NXPH1: variants seen among roughly 807,000 people sequenced by gnomAD.
The protein encoded by NXPH1 is neurexophilin 1, also known as neurexophilin-1.
In NXPH1, 5 loss-of-function variants were observed where a neutral mutation model predicts 23.7. That is an observed-to-expected ratio of 0.21 (90% CI 0.11 to 0.44). NXPH1 has a LOEUF of 0.44. NXPH1 is among the 20% of genes least tolerant of loss of function. The pLI is 0.99. For missense variants in NXPH1, 324 were observed against 321.6 expected (o/e 1.01, Z -0.06); for synonymous variants, 144 against 122.2 (o/e 1.18, Z -1.18).
intron 2 of NXPH1, among the ~76,000 whole-genome samples, chr7:8,525,918 G>C (rs1584211948): frequency 6.6e-6 from 1 of 152,226 alleles, no homozygotes; most frequent in Non-Finnish European, 1.5e-5. Context: ...TGGGGTTGGA[G>C]CCCCCACACA....
intron 2 of NXPH1, among the ~76,000 whole-genome samples, chr7:8,730,986 C>T (rs536668105): frequency 1.1e-3 from 154 of 146,404 alleles, no homozygotes; most frequent in African/African-American, 3.4e-3. Context: ...ACCAATCAGA[C>T]GTAGATTTGG....
intron 2 of NXPH1, among the ~76,000 whole-genome samples, chr7:8,504,163 TC>T (rs1817484471): frequency 6.6e-6 from 1 of 152,058 alleles, no homozygotes; most frequent in Non-Finnish European, 1.5e-5. Flanking sequence ...CTTTCCCATT[TC>T]CAAACAATCT....
intron 2 of NXPH1, among the ~76,000 whole-genome samples, chr7:8,709,078 TATATG>T (rs1436855975): frequency 2.6e-5 from 4 of 152,172 alleles, no homozygotes; most frequent in Admixed American, 2.6e-4. Context: ...AAATAGTAAT[TATATG>T]ATATGACAGT....
At chr7:8,706,762 C>T (rs1779713168) in intron 2 of NXPH1, among the ~76,000 whole-genome samples, 1 of 152,160 alleles carries the variant, frequency 6.6e-6, no homozygotes, top group Admixed American at 6.5e-5. Context: ...AGTGACTAAT[C>T]TGACAGTTGT....
intron 2 of NXPH1, among the ~76,000 whole-genome samples, chr7:8,457,473 C>A (rs965179826): frequency 1.3e-5 from 2 of 152,004 alleles, no homozygotes; most frequent in Admixed American, 1.3e-4. Context: ...AGTTGGAAAA[C>A]CGAGGGTCTA....
At chr7:8,456,071 T>C (rs1432528989) in intron 2 of NXPH1, among the ~76,000 whole-genome samples, 1 of 152,146 alleles carries the variant, frequency 6.6e-6, no homozygotes, top group Non-Finnish European at 1.5e-5. Context: ...AAGTGGTGAA[T>C]ATGAGGCATA....
At position 8,613,724 on chromosome 7, in the gene NXPH1, A is replaced by G. The variant is rs181760263; in HGVS notation, c.55-137284A>G. Among the ~76,000 whole-genome samples, 35 of 152,002 alleles carry G rather than the reference A, an allele frequency of 2.3e-4. 1 individual carries two copies. In the East Asian group the frequency reaches 5.6e-3, roughly 24 times the overall value. On this transcript the variant is annotated intron_variant, in intron 2 of 2. Transcript: ENST00000405863. ...CTTAAGCCTTTGACTTTGATTATCT[A>G]TATTTTATATCTCATAGTGTTTTTT...
intron 2 of NXPH1, among the ~76,000 whole-genome samples, chr7:8,650,681 C>T (rs1033032357): frequency 6.6e-6 from 1 of 152,176 alleles, no homozygotes; most frequent in Admixed American, 6.5e-5. Context: ...TTAGTTGCCA[C>T]ATGGCAACTG....
chr7:8,703,245 C>T (rs1028566048), intron 2 of NXPH1, among the ~76,000 whole-genome samples: 8 of 152,082 alleles, frequency 5.3e-5, no homozygotes, highest in African/African-American at 1.7e-4. Flanking sequence ...AGATTCTGAT[C>T]GCTACCACAC....
intron 2 of NXPH1, among the ~76,000 whole-genome samples, chr7:8,508,891 T>C (rs115862648): frequency 6.6e-6 from 1 of 152,026 alleles, no homozygotes; most frequent in Non-Finnish European, 1.5e-5. Context: ...CTATGGTCAT[T>C]TGGGGAGGCG....
chr7:8,670,519 G>A (rs1027125499), intron 2 of NXPH1, among the ~76,000 whole-genome samples: 1 of 152,090 alleles, frequency 6.6e-6, no homozygotes, highest in African/African-American at 2.4e-5. Flanking sequence ...GTAAACTCGT[G>A]CATCTTTTCT....
At chr7:8,697,880 C>G (rs1779560127) in intron 2 of NXPH1, among the ~76,000 whole-genome samples, 1 of 152,262 alleles carries the variant, frequency 6.6e-6, no homozygotes, top group Non-Finnish European at 1.5e-5. Flanking sequence ...GAGAGACACA[C>G]TGGTAGAACA....
intron 2 of NXPH1, among the ~76,000 whole-genome samples, chr7:8,576,507 A>C (rs1005923488): frequency 6.6e-6 from 1 of 152,182 alleles, no homozygotes; most frequent in Non-Finnish European, 1.5e-5. Context: ...GTACTGAGGG[A>C]CATTCTAGAC....
intron 2 of NXPH1, among the ~76,000 whole-genome samples, chr7:8,508,559 C>T (rs140021965): frequency 1.1e-4 from 16 of 152,206 alleles, no homozygotes; most frequent in African/African-American, 3.4e-4. Flanking sequence ...ATTTCTCCAT[C>T]CTTGGATAAA....
At chr7:8,574,160 C>T (rs1009908691) in intron 2 of NXPH1, among the ~76,000 whole-genome samples, 4 of 152,130 alleles carry the variant, frequency 2.6e-5, no homozygotes, top group Admixed American at 6.5e-5. Flanking sequence ...ACACGGTTTG[C>T]ACCTTTTCCC....
chr7:8,678,943 TTTTTTTTTTTTTTTTTTTTTG>T (rs1821004189), intron 2 of NXPH1, among the ~76,000 whole-genome samples: 1 of 49,532 alleles, frequency 2.0e-5, no homozygotes, highest in Non-Finnish European at 5.2e-5. Flanking sequence ...TTTTTTTTTT[TTTTTTTTTTTTTTTTTTTTTG>T]TTGAGACGGA....
At chr7:8,499,123 T>A (rs901563828) in intron 2 of NXPH1, among the ~76,000 whole-genome samples, 1 of 152,052 alleles carries the variant, frequency 6.6e-6, no homozygotes, top group Non-Finnish European at 1.5e-5. Context: ...GGACAGGAAG[T>A]ATCTTTGAGC....
At chr7:8,731,828 A>G (rs1233729103) in intron 2 of NXPH1, among the ~76,000 whole-genome samples, 2 of 152,216 alleles carry the variant, frequency 1.3e-5, no homozygotes, top group Non-Finnish European at 2.9e-5. Context: ...AGTGGAGCCT[A>G]CAGAGGCAGG....
intron 2 of NXPH1, among the ~76,000 whole-genome samples, chr7:8,691,305 C>T (rs762344706): frequency 1.6e-4 from 25 of 152,142 alleles, no homozygotes; most frequent in Admixed American, 1.3e-3. Context: ...TGCACCAGCA[C>T]GTCCAGCTAA....
Sources: gnomAD v4.1 joint callset for allele counts (sites outside exome capture counted in the v4.1 genomes callset) on GRCh38, gnomAD v4.1.1 for gene constraint, MANE v1.5 for transcripts, NCBI Gene and HGNC (gene_info 2026-07-23, HGNC 2026-07-21) for gene names.